PTPRD: variants seen among roughly 807,000 people sequenced by gnomAD.
The protein encoded by PTPRD is protein tyrosine phosphatase receptor type D, also known as receptor-type tyrosine-protein phosphatase delta.
PTPRD carries 34 observed loss-of-function variants against 214.5 expected under a neutral mutation model. The observed-to-expected ratio is 0.16, with a 90% confidence interval of 0.12 to 0.21. PTPRD has a LOEUF of 0.21. Ranked by LOEUF, PTPRD falls within the 10% of genes least tolerant of loss-of-function variation. The pLI, the probability that PTPRD is intolerant of heterozygous loss-of-function variation, is 1.00. For missense variants in PTPRD, 2,545 were observed against 2,398.7 expected (o/e 1.06, Z -1.27); for synonymous variants, 1,128 against 845.7 (o/e 1.33, Z -5.79).
At chr9:8,962,571 G>C (rs1475348149) in intron 11 of PTPRD, among the ~76,000 whole-genome samples, 14 of 151,880 alleles carry the variant, frequency 9.2e-5, no homozygotes, top group African/African-American at 1.5e-4. Flanking sequence ...AGCACTCTTA[G>C]GACATCATTT....
Position 8,581,398 on chromosome 9 carries a change from G to C in PTPRD, c.352+51919C>G, listed in dbSNP as rs540185236. 5.3e-5 allele frequency among the ~76,000 whole-genome samples: 8 copies of C among 152,250 alleles called. No homozygotes were observed. The South Asian group carries it at 1.2e-3, about 24-fold the overall frequency. On this transcript the variant is annotated intron_variant, in intron 14 of 45. Transcript: ENST00000381196. Reference sequence around the variant, plus strand: ...CAGTAATTAAAATCCTAAACTTCCAGTGAGTCTGATCACAAAAAAGAGGGA... The same window carrying C: ...CAGTAATTAAAATCCTAAACTTCCACTGAGTCTGATCACAAAAAAGAGGGA...
intron 6 of PTPRD, 65 bp from the exon 7 acceptor site, chr9:9,734,636 A>G (rs2098260260): frequency 6.6e-6 from 1 of 152,126 alleles, no homozygotes; most frequent in Non-Finnish European, 1.5e-5. Flanking sequence ...AAAATAGACA[A>G]TAAAATGCTA....
chr9:9,557,702 T>G (rs1207050289), intron 8 of PTPRD, among the ~76,000 whole-genome samples: 4 of 152,184 alleles, frequency 2.6e-5, no homozygotes, highest in African/African-American at 9.7e-5. Context: ...TTTCTATTGA[T>G]TCCAGATTTT....
intron 7 of PTPRD, among the ~76,000 whole-genome samples, chr9:9,579,698 G>A (rs1053966175): frequency 6.6e-6 from 1 of 152,104 alleles, no homozygotes; most frequent in African/African-American, 2.4e-5. Flanking sequence ...ATGTAGCTTA[G>A]AGATACAGAT....
intron 7 of PTPRD, among the ~76,000 whole-genome samples, chr9:9,606,555 T>C (rs527581685): frequency 2.0e-5 from 3 of 152,098 alleles, no homozygotes; most frequent in African/African-American, 7.2e-5. Context: ...TCTGGCAATC[T>C]TGGCAGAAAG....
At chr9:9,686,310 T>A (rs1441815568) in intron 7 of PTPRD, among the ~76,000 whole-genome samples, 1 of 151,576 alleles carries the variant, frequency 6.6e-6, no homozygotes, top group African/African-American at 2.4e-5. Flanking sequence ...TTTCTAAAAA[T>A]TCTATATTTA....
rs1289900405 is a variant in PTPRD at position 8,499,810 on chromosome 9, A to AC, written c.2158dup (p.Val720GlyfsTer10). 1 of 1,612,632 alleles carries AC rather than the reference A, an allele frequency of 6.2e-7. No homozygotes were observed. Among genetic ancestry groups the AC allele is most frequent in the Non-Finnish European group, 8.5e-7 (1 of 1,179,506 alleles). ...AACAGATGTTGAGTTGACAGCCTCTACCTCGACTTTGCGAGGAGGACCACT... is the reference window on the plus strand; with the variant it reads ...AACAGATGTTGAGTTGACAGCCTCTACCCTCGACTTTGCGAGGAGGACCACT... On this transcript the variant is annotated frameshift_variant, in exon 25 of 46. Transcript: ENST00000381196. LOFTEE classifies it high-confidence loss of function.
intron 4 of PTPRD, among the ~76,000 whole-genome samples, chr9:9,998,613 C>T (rs1451272720): frequency 6.6e-6 from 1 of 151,768 alleles, no homozygotes; most frequent in African/African-American, 2.4e-5. Flanking sequence ...GCTGTTTACA[C>T]TCAACATAAT....
intron 3 of PTPRD, among the ~76,000 whole-genome samples, chr9:10,220,601 A>C (rs945058279): frequency 6.6e-6 from 1 of 151,952 alleles, no homozygotes; most frequent in African/African-American, 2.4e-5. Context: ...AATTATTTTT[A>C]AATTTATATT....
chr9:9,824,393 C>T (rs1011232885), intron 5 of PTPRD, among the ~76,000 whole-genome samples: 61 of 152,058 alleles, frequency 4.0e-4, no homozygotes, highest in African/African-American at 1.4e-3. Context: ...ATGCTGTTTA[C>T]TTGAGAACTA....
chr9:9,819,613 G>T (rs1372869882), intron 5 of PTPRD, among the ~76,000 whole-genome samples: 2 of 152,074 alleles, frequency 1.3e-5, no homozygotes, highest in African/African-American at 2.4e-5. Flanking sequence ...CTATCACCCA[G>T]GTACTGAGCA....
intron 9 of PTPRD, among the ~76,000 whole-genome samples, chr9:9,209,187 C>T (rs1362308763): frequency 6.6e-6 from 1 of 151,992 alleles, no homozygotes; most frequent in East Asian, 1.9e-4. Context: ...TCTTACTAAG[C>T]CTCTATTCCT....
At chr9:9,293,469 C>A (rs1595313142) in intron 9 of PTPRD, among the ~76,000 whole-genome samples, 1 of 149,668 alleles carries the variant, frequency 6.7e-6, no homozygotes, top group East Asian at 2.0e-4. Flanking sequence ...TTGTGTAGTT[C>A]CTGCTCCAGT....
intron 5 of PTPRD, among the ~76,000 whole-genome samples, chr9:9,845,082 A>G (rs182597117): frequency 7.9e-6 from 1 of 126,156 alleles, no homozygotes; most frequent in Non-Finnish European, 1.6e-5. Flanking sequence ...ATATTGCTCT[A>G]TATATATAGC....
At chr9:10,056,130 G>A (rs1482819806) in intron 3 of PTPRD, among the ~76,000 whole-genome samples, 1 of 151,842 alleles carries the variant, frequency 6.6e-6, no homozygotes, top group African/African-American at 2.4e-5. Context: ...AGACCAGCCT[G>A]ACCAACATGG....
chr9:10,272,603 CTA>C (rs1414340781), intron 3 of PTPRD, among the ~76,000 whole-genome samples: 1 of 152,156 alleles, frequency 6.6e-6, no homozygotes, highest in Non-Finnish European at 1.5e-5. Flanking sequence ...AGAGACAGCA[CTA>C]TGTTTCATGC....
At chr9:9,757,360 A>G (rs1431997135) in intron 6 of PTPRD, among the ~76,000 whole-genome samples, 1 of 152,192 alleles carries the variant, frequency 6.6e-6, no homozygotes, top group Non-Finnish European at 1.5e-5. Flanking sequence ...GGCATCTGCA[A>G]TTTTTAACAC....
intron 2 of PTPRD, among the ~76,000 whole-genome samples, chr9:10,440,169 T>G (rs1280813431): frequency 6.6e-6 from 1 of 151,796 alleles, no homozygotes; most frequent in Non-Finnish European, 1.5e-5. Flanking sequence ...AAATGTACTT[T>G]ACTAGAATTA....
intron 7 of PTPRD, among the ~76,000 whole-genome samples, chr9:9,646,754 A>G (rs2096194507): frequency 6.6e-6 from 1 of 152,136 alleles, no homozygotes; most frequent in Non-Finnish European, 1.5e-5. Flanking sequence ...GTTTTTTCCT[A>G]TACATGCATA....
Sources: allele counts gnomAD v4.1 joint callset (sites outside exome capture counted in the v4.1 genomes callset), GRCh38; gene constraint gnomAD v4.1.1; transcripts MANE v1.5; gene names NCBI Gene and HGNC (gene_info 2026-07-23, HGNC 2026-07-21).